The following NEK10 variants were observed in gnomAD, a reference collection of about 807,000 sequenced individuals.
NEK10 encodes serine/threonine-protein kinase Nek10.
NEK10 carries 122 observed loss-of-function variants against 159.8 expected under a neutral mutation model. The observed-to-expected ratio is 0.76, with a 90% CI of 0.66 to 0.89. The LOEUF (loss-of-function observed/expected upper bound fraction) is 0.89. Ranked by LOEUF, NEK10 falls within the 40% of genes least tolerant of loss-of-function variation. The pLI is 0.00. For synonymous variants in NEK10, 466 were observed against 457.1 expected (o/e 1.02, Z -0.25); for missense variants, 1,342 against 1,323.1 (o/e 1.01, Z -0.22).
At chr3:27,168,404 A>ATAAACAAAGAAACCCAGGAAAATCC (rs1946670177) in intron 29 of NEK10, among the ~76,000 whole-genome samples, 1 of 152,210 alleles carries the variant, frequency 6.6e-6, no homozygotes, top group African/African-American at 2.4e-5. Context: ...TTTCACATTA[A>ATAAACAAAGAAACCCAGGAAAATCC]TAAACAAAGA....
chr3:27,179,230 A>C lies in NEK10; in HGVS notation c.2506-4397T>G, dbSNP rs546748658. On this transcript the variant is annotated intron_variant, in intron 26 of 35. Transcript: ENST00000691995. ...TAAAAATAACTAATTTATATGGATT[A>C]TATAATAAAGAAAATATTCTCTTTA... Among the ~76,000 whole-genome samples, 3 of 152,330 alleles carry C rather than the reference A, an allele frequency of 2.0e-5. No homozygotes were observed. In the South Asian group the frequency reaches 6.2e-4, roughly 32 times the overall value.
chr3:27,362,883 C>A (rs13085767), intron 1 of NEK10, among the ~76,000 whole-genome samples: 2,573 of 152,170 alleles, frequency 0.017, 42 homozygotes, highest in Non-Finnish European at 0.024. Flanking sequence ...GATCTCCCAA[C>A]TTCCAATTTC....
chr3:27,193,293 C>A (rs1242706151), intron 25 of NEK10, among the ~76,000 whole-genome samples: 2 of 152,178 alleles, frequency 1.3e-5, no homozygotes, highest in Non-Finnish European at 2.9e-5. Context: ...CTGAAAGAGT[C>A]TCCTAAATAA....
intron 23 of NEK10, among the ~76,000 whole-genome samples, chr3:27,205,095 G>A (rs1036404120): frequency 1.3e-5 from 2 of 152,078 alleles, no homozygotes; most frequent in African/African-American, 4.8e-5. Context: ...TTTTTAGGCT[G>A]CATAAATGTC....
At chr3:27,296,918 A>C (rs2043395349) in intron 14 of NEK10, among the ~76,000 whole-genome samples, 1 of 152,252 alleles carries the variant, frequency 6.6e-6, no homozygotes, top group Non-Finnish European at 1.5e-5. Context: ...TTTTAGAAAG[A>C]AAAAATAAAA....
chr3:27,207,711 T>C (rs1950643222), intron 23 of NEK10, among the ~76,000 whole-genome samples: 2 of 152,140 alleles, frequency 1.3e-5, no homozygotes, highest in South Asian at 4.1e-4. Context: ...AGTTCTCAGG[T>C]ATTGGCTATC....
intron 9 of NEK10, chr3:27,309,473 G>A (rs1300255667): frequency 6.6e-6 from 1 of 152,206 alleles, no homozygotes. Context: ...TTTACAGATG[G>A]CAGGAGTCCA....
chr3:27,184,600 T>C (rs1003095626), intron 26 of NEK10, among the ~76,000 whole-genome samples: 1 of 152,198 alleles, frequency 6.6e-6, no homozygotes, highest in Admixed American at 6.5e-5. Flanking sequence ...GTGAGAATTG[T>C]GTCTGTATTT....
At chr3:27,116,151 G>T (rs1334289628) in intron 33 of NEK10, 24 bp from the exon 34 acceptor site, 1 of 1,609,246 alleles carries the variant, frequency 6.2e-7, no homozygotes, top group Non-Finnish European at 8.5e-7. Context: ...ATTATGGAAA[G>T]TCTGACATTT....
At chr3:27,258,171 G>A (rs963401185) in intron 22 of NEK10, among the ~76,000 whole-genome samples, 7 of 152,010 alleles carry the variant, frequency 4.6e-5, no homozygotes, top group Admixed American at 4.6e-4. Flanking sequence ...AGAATAGTAT[G>A]AAAGTAAAAT....
In NEK10 at chr3:27,107,647, G is replaced by A. The variant is rs1939128659; in HGVS notation, c.*3625C>T. ...CCCAAGGAGTCAATGTCAATATTCG[G>A]AAGCATTAAGCTTCCCTTACGTTGG... On this transcript the variant is annotated 3_prime_UTR_variant, in exon 36 of 36. Transcript: ENST00000691995. Among the ~76,000 whole-genome samples, 1 of 152,122 alleles carries A rather than the reference G, an allele frequency of 6.6e-6. No homozygotes were observed. Among genetic ancestry groups the A allele is most frequent in the South Asian group, 2.1e-4 (1 of 4,824 alleles).
At chr3:27,134,296 C>G (rs576100339) in intron 31 of NEK10, among the ~76,000 whole-genome samples, 1 of 152,252 alleles carries the variant, frequency 6.6e-6, no homozygotes, top group Non-Finnish European at 1.5e-5. Context: ...CAGAAAGTAC[C>G]TGGACAGAGC....
intron 11 of NEK10, among the ~76,000 whole-genome samples, chr3:27,306,690 T>C (rs1368568037): frequency 1.3e-5 from 2 of 152,184 alleles, no homozygotes; most frequent in African/African-American, 4.8e-5. Context: ...ATCTATAAAA[T>C]ACGGGAAAAA....
In NEK10 at chr3:27,291,398, A is replaced by AT. The variant is rs780004957; in HGVS notation, c.1477-9_1477-8insA. The AT allele has an allele frequency of 2.5e-6, 4 of 1,610,626 alleles. No individual in the cohort carries two copies. In the South Asian group the frequency reaches 4.4e-5, roughly 18 times the overall value. On this transcript the variant is annotated splice_polypyrimidine_tract_variant and intron_variant, in intron 17 of 35. Coordinates refer to ENST00000691995, the MANE Select transcript of NEK10 (RefSeq NM_001394966.1). ...TTGCTTCAGTTCATCCTCCTAATCAAAATATAAAAAGGAAATGGGTTTCTG... is the reference window on the plus strand; with the variant it reads ...TTGCTTCAGTTCATCCTCCTAATCAATAATATAAAAAGGAAATGGGTTTCTG...
intron 30 of NEK10, among the ~76,000 whole-genome samples, chr3:27,160,069 C>A (rs1274663531): frequency 1.3e-5 from 2 of 151,724 alleles, no homozygotes; most frequent in Non-Finnish European, 2.9e-5. Context: ...GAAAGCGAGA[C>A]CAAATGTTAA....
At chr3:27,240,301 A>AT (rs1004957990) in intron 23 of NEK10, among the ~76,000 whole-genome samples, 3 of 151,968 alleles carry the variant, frequency 2.0e-5, no homozygotes. Flanking sequence ...GTCTCTAATG[A>AT]TTTTTTGTAG....
chr3:27,125,450 C>T (rs62255181), intron 32 of NEK10, among the ~76,000 whole-genome samples: 2,041 of 152,240 alleles, frequency 0.013, 20 homozygotes, highest in Middle Eastern at 0.027. Flanking sequence ...CATTTCATCA[C>T]TCTGCACTCG....
At position 27,297,084 on chromosome 3, in the gene NEK10, T is replaced by A; in HGVS notation, c.1230+95A>T. 8.7e-6 allele frequency: 6 copies of A among 692,920 alleles called. No homozygotes were observed. In the South Asian group the frequency reaches 1.2e-4, roughly 14 times the overall value. The allele number at this position is 692,920 out of a possible 1,614,324, so 42.9% of individuals were successfully genotyped here. A position where few individuals can be genotyped will look rare whatever the true frequency, so the allele number is the denominator to read the frequency against. On this transcript the variant is annotated intron_variant, in intron 14 of 35. Coordinates refer to ENST00000691995, the MANE Select transcript of NEK10 (RefSeq NM_001394966.1). ...TAGTTTTAAAATCACATGATGGGAA[T>A]CCCAAAACCTATGTTCTGGGATACA... is the stretch of plus-strand genomic sequence containing the variant.
chr3:27,155,508 TAAATA>T (rs60254232), intron 30 of NEK10, among the ~76,000 whole-genome samples: 7,229 of 134,250 alleles, frequency 0.054, 226 homozygotes, highest in Middle Eastern at 0.08. Flanking sequence ...CTCAAAAAAA[TAAATA>T]AAATAAAATA....
Sources: allele counts gnomAD v4.1 joint callset (sites outside exome capture counted in the v4.1 genomes callset), GRCh38; gene constraint gnomAD v4.1.1; transcripts MANE v1.5; gene names NCBI Gene and HGNC (gene_info 2026-07-23, HGNC 2026-07-21).